AGMO: variants seen among roughly 807,000 people sequenced by gnomAD.
The protein encoded by AGMO is glyceryl-ether monooxygenase.
In AGMO, 75 loss-of-function variants were observed where a neutral mutation model predicts 60.2. The ratio of observed to expected loss-of-function variants is 1.25; its 90% confidence interval spans 1.03 to 1.51. The LOEUF (loss-of-function observed/expected upper bound fraction) is 1.51, where lower values mean the gene tolerates loss of function less well. AGMO is among the 40% of genes most tolerant of loss of function. The pLI is 0.00. For synonymous variants in AGMO, 261 were observed against 177.1 expected (o/e 1.47, Z -3.76); for missense variants, 763 against 525.5 (o/e 1.45, Z -4.42).
intron 3 of AGMO, among the ~76,000 whole-genome samples, chr7:15,516,229 TA>T (rs1342709377): frequency 2.6e-5 from 4 of 151,978 alleles, no homozygotes; most frequent in African/African-American, 4.8e-5. Context: ...TGCTCATACT[TA>T]AAAAAGGAAG....
At chr7:15,353,101 G>A (rs918701044) in intron 12 of AGMO, among the ~76,000 whole-genome samples, 2 of 152,116 alleles carry the variant, frequency 1.3e-5, no homozygotes, top group African/African-American at 4.8e-5. Context: ...AAGGTGGGAA[G>A]GGGGCAGGGT....
At chr7:15,244,687 T>C (rs1009464660) in intron 12 of AGMO, among the ~76,000 whole-genome samples, 9 of 152,168 alleles carry the variant, frequency 5.9e-5, no homozygotes, top group Admixed American at 5.9e-4. Flanking sequence ...CGTCTCGCAC[T>C]GTCGCCCAGG....
At chr7:15,433,441 A>G (rs946554200) in intron 3 of AGMO, among the ~76,000 whole-genome samples, 2 of 152,130 alleles carry the variant, frequency 1.3e-5, no homozygotes, top group Non-Finnish European at 1.5e-5. Flanking sequence ...TGGTAAAAAA[A>G]AAAGAAGGAA....
chr7:15,517,567 G>A (rs551840731), intron 3 of AGMO, among the ~76,000 whole-genome samples: 39 of 151,834 alleles, frequency 2.6e-4, no homozygotes, highest in African/African-American at 9.2e-4. Flanking sequence ...CAAGGGGTCA[G>A]GAACTCCTTC....
chr7:15,414,298 C>T (rs960900395), intron 5 of AGMO, among the ~76,000 whole-genome samples: 2 of 151,864 alleles, frequency 1.3e-5, no homozygotes, highest in Admixed American at 6.6e-5. Context: ...TGCACCCGGC[C>T]GTATTTTGGG....
chr7:15,163,178 C>G, the AGMO span, among the ~76,000 whole-genome samples: 1 of 152,072 alleles, frequency 6.6e-6, no homozygotes, highest in Non-Finnish European at 1.5e-5. Context: ...ATTTTGTATC[C>G]TGAAAATTTA....
intron 12 of AGMO, among the ~76,000 whole-genome samples, chr7:15,246,041 CT>C (rs1219899723): frequency 6.6e-6 from 1 of 151,256 alleles, no homozygotes; most frequent in African/African-American, 2.5e-5. Context: ...GAATACATCA[CT>C]GAAGGCTTAA....
At chr7:15,443,447 C>A (rs541914399) in intron 3 of AGMO, among the ~76,000 whole-genome samples, 1 of 152,276 alleles carries the variant, frequency 6.6e-6, no homozygotes, top group South Asian at 2.1e-4. Flanking sequence ...AATACTTTGA[C>A]TATTATACCT....
chr7:15,542,161 A>T (rs975883805), intron 3 of AGMO, among the ~76,000 whole-genome samples: 7 of 152,182 alleles, frequency 4.6e-5, no homozygotes, highest in African/African-American at 1.2e-4. Context: ...AATAAAATTT[A>T]AAAATTAAGC....
At chr7:15,374,172 A>AG (rs1783347722) in intron 10 of AGMO, among the ~76,000 whole-genome samples, 1 of 151,700 alleles carries the variant, frequency 6.6e-6, no homozygotes, top group African/African-American at 2.4e-5. Context: ...GAGTCTCAAG[A>AG]ATCTGTCTTG....
chr7:15,519,089 G>T (rs1783906741), intron 3 of AGMO, among the ~76,000 whole-genome samples: 1 of 151,460 alleles, frequency 6.6e-6, no homozygotes, highest in Non-Finnish European at 1.5e-5. Flanking sequence ...TCAACTTAAT[G>T]AAATAAAACA....
intron 3 of AGMO, among the ~76,000 whole-genome samples, chr7:15,525,301 T>A (rs1433988069): frequency 6.6e-6 from 1 of 152,056 alleles, no homozygotes; most frequent in African/African-American, 2.4e-5. Flanking sequence ...CAAGTCACAA[T>A]CTTGGATAAA....
intron 3 of AGMO, among the ~76,000 whole-genome samples, chr7:15,445,278 A>G (rs1474307741): frequency 1.3e-5 from 2 of 152,218 alleles, no homozygotes; most frequent in African/African-American, 4.8e-5. Context: ...TCTATCAAAG[A>G]TTTAATATTT....
chr7:15,399,331 T>A (rs1784494040), intron 5 of AGMO, among the ~76,000 whole-genome samples: 1 of 152,158 alleles, frequency 6.6e-6, no homozygotes, highest in Non-Finnish European at 1.5e-5. Flanking sequence ...AAAGGAAACA[T>A]GAGTTCATAA....
chr7:15,356,738 T>A (rs1340594522), intron 12 of AGMO, among the ~76,000 whole-genome samples: 1 of 151,736 alleles, frequency 6.6e-6, no homozygotes, highest in Non-Finnish European at 1.5e-5. Context: ...AAATGCTATA[T>A]GAAAAAATGT....
chr7:15,358,582 C>A, intron 12 of AGMO: 1 of 345,604 alleles, frequency 2.9e-6, no homozygotes, highest in Admixed American at 4.1e-5. Flanking sequence ...AAACTCAGTC[C>A]CTCCCCAAGA....
At chr7:15,424,934 T>C (rs1781020005) in intron 4 of AGMO, among the ~76,000 whole-genome samples, 1 of 152,190 alleles carries the variant, frequency 6.6e-6, no homozygotes, top group African/African-American at 2.4e-5. Context: ...CTCCCACATA[T>C]TGAAAAACAG....
chr7:15,395,559 A>G (rs1346704130), intron 5 of AGMO, among the ~76,000 whole-genome samples: 1 of 152,222 alleles, frequency 6.6e-6, no homozygotes. Context: ...ACTGAAATAT[A>G]CACGACAGCT....
At chr7:15,384,251 C>G (rs544542855) in intron 10 of AGMO, among the ~76,000 whole-genome samples, 5 of 152,220 alleles carry the variant, frequency 3.3e-5, no homozygotes, top group African/African-American at 1.2e-4. Flanking sequence ...TTTAGTCCAT[C>G]TTTTAATGCA....
Sources: gnomAD v4.1 joint callset for allele counts (sites outside exome capture counted in the v4.1 genomes callset) on GRCh38, gnomAD v4.1.1 for gene constraint, MANE v1.5 for transcripts, NCBI Gene and HGNC (gene_info 2026-07-23, HGNC 2026-07-21) for gene names.